The following GRM1 variants were observed in gnomAD, a reference collection of about 807,000 sequenced individuals.
GRM1 encodes the protein glutamate metabotropic receptor 1.
Under a neutral mutation model 90.9 loss-of-function variants are expected in GRM1, and 33 were observed. The ratio of observed to expected loss-of-function variants is 0.36; its 90% CI spans 0.28 to 0.49. The LOEUF is 0.49. Ranked by LOEUF, GRM1 falls within the 20% of genes least tolerant of loss-of-function variation. GRM1 has a pLI of 0.99. For synonymous variants in GRM1, 700 were observed against 613.2 expected, an observed-to-expected ratio of 1.14 and a Z score of -2.09; for missense variants, 1,190 against 1,534.3, an observed-to-expected ratio of 0.78 and a Z score of 3.75.
chr6:146,123,507 A>G (rs1402733617), intron 1 of GRM1, among the ~76,000 whole-genome samples: 3 of 152,190 alleles, frequency 2.0e-5, no homozygotes, highest in Non-Finnish European at 4.4e-5. Context: ...TTTTGCCCCA[A>G]AAACATCTGT....
At chr6:146,058,620 C>T (rs1775561954) in intron 1 of GRM1, among the ~76,000 whole-genome samples, 1 of 152,124 alleles carries the variant, frequency 6.6e-6, no homozygotes. Flanking sequence ...AAGTTTGCCA[C>T]ATCAATTGAT....
At chr6:146,037,137 CAAG>C (rs946586922) in intron 1 of GRM1, among the ~76,000 whole-genome samples, 2 of 151,820 alleles carry the variant, frequency 1.3e-5, no homozygotes, top group Non-Finnish European at 2.9e-5. Flanking sequence ...TTTCAAAGAA[CAAG>C]AAGATGGTAC....
At chr6:146,415,528 T>C (rs1423078997) in intron 7 of GRM1, among the ~76,000 whole-genome samples, 1 of 152,134 alleles carries the variant, frequency 6.6e-6, no homozygotes, top group African/African-American at 2.4e-5. Context: ...CGTTTAGTCC[T>C]GATTATGAAC....
intron 3 of GRM1, among the ~76,000 whole-genome samples, chr6:146,338,317 G>A (rs1319155793): frequency 6.6e-6 from 1 of 152,216 alleles, no homozygotes; most frequent in East Asian, 1.9e-4. Flanking sequence ...GGAAAAGACA[G>A]AGCAGGGTTG....
chr6:146,372,961 C>T (rs1280902619), intron 5 of GRM1, among the ~76,000 whole-genome samples: 1 of 151,890 alleles, frequency 6.6e-6, no homozygotes, highest in African/African-American at 2.4e-5. Context: ...TTTTGTGGTT[C>T]TATACAAACT....
At chr6:146,294,030 T>C (rs1448819061) in intron 2 of GRM1, among the ~76,000 whole-genome samples, 1 of 151,728 alleles carries the variant, frequency 6.6e-6, no homozygotes, top group Non-Finnish European at 1.5e-5. Context: ...GAGGATTGAA[T>C]ATTTCATTAA....
intron 2 of GRM1, among the ~76,000 whole-genome samples, chr6:146,227,506 A>G (rs1780284194): frequency 6.6e-6 from 1 of 152,206 alleles, no homozygotes; most frequent in African/African-American, 2.4e-5. Context: ...CATTTATTGG[A>G]CTAATTAATC....
At chr6:146,371,986 T>C (rs1775919395) in intron 5 of GRM1, among the ~76,000 whole-genome samples, 1 of 152,136 alleles carries the variant, frequency 6.6e-6, no homozygotes, top group Admixed American at 6.6e-5. Context: ...AGCAGTGTCA[T>C]TGCTGGATCA....
chr6:146,089,040 T>G (rs1053181986), intron 1 of GRM1, among the ~76,000 whole-genome samples: 8 of 152,114 alleles, frequency 5.3e-5, no homozygotes, highest in Non-Finnish European at 1.2e-4. Context: ...GGTCTGTGAC[T>G]GGCTTCTAAC....
chr6:146,356,045 T>C (rs921618581), intron 4 of GRM1, among the ~76,000 whole-genome samples: 1 of 152,088 alleles, frequency 6.6e-6, no homozygotes, highest in Non-Finnish European at 1.5e-5. Context: ...GCATTAATTA[T>C]AGAGTGAATA....
rs571446627 is a variant in GRM1, at chr6:146,435,869, T to C, written c.*1073T>C. On this transcript the variant is annotated 3_prime_UTR_variant, in exon 8 of 8. Transcript: ENST00000282753. The stretch of plus-strand genomic sequence containing the variant: ...ACTTCTAAGATGCGTATATGTACAA[T>C]TTGGTGCCATTATTTCTCCTACGTA... The C allele has an allele frequency of 6.5e-6, 1 of 152,778 alleles. No individual in the cohort carries two copies. The highest frequency in any genetic ancestry group is 2.4e-5 in the African/African-American group (1 of 41,584). The allele number at this position is 152,778 out of a possible 1,614,324, so 9.5% of individuals were successfully genotyped here.
intron 2 of GRM1, among the ~76,000 whole-genome samples, chr6:146,279,910 T>C (rs1230573825): frequency 3.3e-5 from 5 of 152,182 alleles, no homozygotes; most frequent in Admixed American, 2.6e-4. Context: ...GTGTAATTTA[T>C]CTGGCTGCCT....
At chr6:146,423,792 G>A (rs764124398) in intron 7 of GRM1, among the ~76,000 whole-genome samples, 8 of 152,114 alleles carry the variant, frequency 5.3e-5, no homozygotes, top group African/African-American at 9.7e-5. Context: ...ATCCCCAGCA[G>A]GCAGGACCAG....
chr6:146,159,951 CAA>C lies in GRM1; in HGVS notation c.950+355_950+356del, dbSNP rs150182059. The C allele has an allele frequency of 3.5e-4, 63 of 182,486 alleles. No homozygotes were observed. The East Asian group carries it at 8.0e-3, about 23-fold the overall frequency. The allele number at this position is 182,486 out of a possible 1,614,324, so 11.3% of individuals were successfully genotyped here. A position where few individuals can be genotyped will look rare whatever the true frequency, so the allele number is the denominator to read the frequency against. On this transcript the variant is annotated intron_variant, in intron 2 of 7. Transcript: ENST00000282753. ...AAAAAAAAAAGGAAAGAAAGAAAAACAAGAGCAGAGCAGCATATAACAAGATA... is the reference window on the plus strand; with the variant it reads ...AAAAAAAAAAGGAAAGAAAGAAAAACGAGCAGAGCAGCATATAACAAGATA...
chr6:146,179,183 G>A (rs1451064438), intron 2 of GRM1, among the ~76,000 whole-genome samples: 1 of 152,188 alleles, frequency 6.6e-6, no homozygotes, highest in Non-Finnish European at 1.5e-5. Flanking sequence ...GTGCACATGT[G>A]TTCTCAGGAC....
At chr6:146,375,256 T>G (rs906328999) in intron 5 of GRM1, among the ~76,000 whole-genome samples, 5 of 152,028 alleles carry the variant, frequency 3.3e-5, no homozygotes, top group Admixed American at 6.6e-5. Flanking sequence ...TTATTTAAAT[T>G]TTTTGAATGT....
chr6:146,293,946 C>T (rs1783084917), intron 2 of GRM1, among the ~76,000 whole-genome samples: 1 of 151,086 alleles, frequency 6.6e-6, no homozygotes, highest in Non-Finnish European at 1.5e-5. Flanking sequence ...TCTGAAGTTA[C>T]ATTATATTTT....
chr6:146,229,721 A>G (rs1055462048), intron 2 of GRM1, among the ~76,000 whole-genome samples: 1 of 152,186 alleles, frequency 6.6e-6, no homozygotes, highest in African/African-American at 2.4e-5. Context: ...GGAGTAAGCA[A>G]AATGTTATAG....
At chr6:146,357,772 A>G in intron 5 of GRM1, 78 bp downstream of exon 5, 1 of 1,138,828 alleles carries the variant, frequency 8.8e-7, no homozygotes, top group Non-Finnish European at 1.3e-6. Flanking sequence ...CAACACAGAC[A>G]ATTTTAAAAA....
Sources: allele counts gnomAD v4.1 joint callset (sites outside exome capture counted in the v4.1 genomes callset), GRCh38; gene constraint gnomAD v4.1.1; transcripts MANE v1.5; gene names NCBI Gene and HGNC (gene_info 2026-07-23, HGNC 2026-07-21).